ADCY1: variants seen among roughly 807,000 people sequenced by gnomAD.
The protein encoded by ADCY1 is adenylate cyclase 1.
Under a neutral mutation model 105.4 loss-of-function variants are expected in ADCY1, and 28 were observed. That is an observed-to-expected ratio of 0.27 (90% confidence interval 0.20 to 0.36). ADCY1 has a LOEUF of 0.36. ADCY1 is among the 10% of genes least tolerant of loss of function. The pLI, the probability that ADCY1 is intolerant of heterozygous loss-of-function variation, is 1.00. For missense variants in ADCY1, 977 were observed against 1,434.2 expected, an observed-to-expected ratio of 0.68 and a Z score of 5.15; for synonymous variants, 655 against 623.8, an observed-to-expected ratio of 1.05 and a Z score of -0.75.
intron 14 of ADCY1, among the ~76,000 whole-genome samples, chr7:45,694,296 A>G (rs1295484683): frequency 2.0e-5 from 3 of 152,164 alleles, no homozygotes; most frequent in Non-Finnish European, 2.9e-5. Flanking sequence ...CCTTAACTAC[A>G]ATATAATTAA....
At chr7:45,635,617 T>TG (rs1435828791) in intron 4 of ADCY1, among the ~76,000 whole-genome samples, 8 of 141,944 alleles carry the variant, frequency 5.6e-5, no homozygotes, top group Admixed American at 2.8e-4. Flanking sequence ...TTTTTTTTTT[T>TG]TTTTTTTTTT....
chr7:45,584,188 C>T (rs1321016813), intron 1 of ADCY1, among the ~76,000 whole-genome samples: 1 of 152,046 alleles, frequency 6.6e-6, no homozygotes, highest in Non-Finnish European at 1.5e-5. Flanking sequence ...TAGGTGATAC[C>T]TCACCTTGGC....
Position 45,686,311 on chromosome 7 carries a change from G to A in ADCY1, c.2327+96G>A, listed in dbSNP as rs141701587. 2 of 1,507,906 alleles carry A rather than the reference G, an allele frequency of 1.3e-6. No homozygotes were observed. The highest frequency in any genetic ancestry group is 1.4e-5 in the African/African-American group (1 of 71,898). 93.4% of individuals were successfully genotyped at this position (1,507,906 alleles called of 1,614,324 possible). A position where few individuals can be genotyped will look rare whatever the true frequency, so the allele number is the denominator to read the frequency against. ...CTACAGGCTTCTGAGTCCAGAACTA[G>A]TCAAGTTGAATTGTATACACAATTT... On this transcript the variant is annotated intron_variant, in intron 13 of 19. Coordinates refer to ENST00000297323, the MANE Select transcript of ADCY1 (RefSeq NM_021116.4). The surrounding 1 kb of genome is among the most constrained non-coding windows in gnomAD (Gnocchi z 4.3).
At chr7:45,593,134 T>G (rs570468586) in intron 2 of ADCY1, among the ~76,000 whole-genome samples, 1 of 152,322 alleles carries the variant, frequency 6.6e-6, no homozygotes, top group African/African-American at 2.4e-5. Flanking sequence ...GGGATGGGGC[T>G]GCTTTGGGGA....
chr7:45,618,750 T>C (rs1360410615), intron 3 of ADCY1, among the ~76,000 whole-genome samples: 1 of 152,166 alleles, frequency 6.6e-6, no homozygotes, highest in Non-Finnish European at 1.5e-5. Context: ...AGAGATCTCT[T>C]GTACCAGTTG....
intron 4 of ADCY1, among the ~76,000 whole-genome samples, chr7:45,624,381 A>T (rs1473664263): frequency 6.6e-6 from 1 of 152,012 alleles, no homozygotes; most frequent in African/African-American, 2.4e-5. Flanking sequence ...GGGATTTTGG[A>T]CGCTACTCCC....
intron 14 of ADCY1, among the ~76,000 whole-genome samples, chr7:45,688,261 A>T (rs1466682391): frequency 6.6e-6 from 1 of 152,214 alleles, no homozygotes; most frequent in East Asian, 1.9e-4. Flanking sequence ...ATGGGGTGAG[A>T]ACCCTAATCC....
rs557502990 is a variant in ADCY1 at position 45,722,682 on chromosome 7, G to A, written c.*8687G>A. ...CGAGAAAAGTTGTGTAAGCGCCTGC[G>A]TTCTTCTGGGTTTGGCTAGATAGGG... On this transcript the variant is annotated 3_prime_UTR_variant, in exon 20 of 20. Transcript: ENST00000297323. 3 of 152,540 alleles carry A rather than the reference G, an allele frequency of 2.0e-5. No individual in the cohort carries two copies. The highest frequency in any genetic ancestry group is 4.4e-5 in the Non-Finnish European group (3 of 68,032). 9.4% of individuals were successfully genotyped at this position (152,540 alleles called of 1,614,324 possible). A position where few individuals can be genotyped will look rare whatever the true frequency, so the allele number is the denominator to read the frequency against.
intron 1 of ADCY1, among the ~76,000 whole-genome samples, chr7:45,589,601 ACT>A (rs947766557): frequency 2.7e-5 from 4 of 150,722 alleles, no homozygotes; most frequent in Non-Finnish European, 5.9e-5. Flanking sequence ...CAGGTTTGGA[ACT>A]CTCAATTCCA....
At position 45,679,986 on chromosome 7, in the gene ADCY1, G is replaced by A. The variant is rs144036078; in HGVS notation, c.1983+193G>A. On this transcript the variant is annotated intron_variant, in intron 11 of 19. Coordinates refer to ENST00000297323, the MANE Select transcript of ADCY1 (RefSeq NM_021116.4). ...CATATCACCTGGTCCAGGTATGAGG[G>A]TGGCCTCTGCCTGCCCTCTGGGTGG... 2.1e-3 allele frequency among the ~76,000 whole-genome samples: 313 copies of A among 152,228 alleles called. 1 individual carries two copies. The highest frequency in any genetic ancestry group is 0.014 in the Middle Eastern group (4 of 294).
intron 8 of ADCY1, among the ~76,000 whole-genome samples, chr7:45,664,954 C>T (rs1381953706): frequency 6.6e-6 from 1 of 152,052 alleles, no homozygotes; most frequent in Non-Finnish European, 1.5e-5. Flanking sequence ...TGACAGGCCT[C>T]TGTGTGTGAT....
intron 1 of ADCY1, among the ~76,000 whole-genome samples, chr7:45,589,169 G>A (rs530169664): frequency 3.0e-4 from 45 of 152,246 alleles, no homozygotes; most frequent in South Asian, 1.9e-3. Context: ...GTCCTCGCTC[G>A]CAGCCCAGCA....
chr7:45,645,592 G>A (rs909395797), intron 4 of ADCY1, among the ~76,000 whole-genome samples: 1 of 152,106 alleles, frequency 6.6e-6, no homozygotes, highest in African/African-American at 2.4e-5. Context: ...TCCAGGGATA[G>A]GCTTGTTCTG....
At position 45,602,820 on chromosome 7, in the gene ADCY1, T is replaced by G. The variant is rs1229962861; in HGVS notation, c.790-7559T>G. ...TTAGAATTATGCAAGAATCTTAGTCTTATTACACATTAATCTTATTTAATA... is the reference window on the plus strand; with the variant it reads ...TTAGAATTATGCAAGAATCTTAGTCGTATTACACATTAATCTTATTTAATA... On this transcript the variant is annotated intron_variant, in intron 2 of 19. Coordinates refer to ENST00000297323, the MANE Select transcript of ADCY1 (RefSeq NM_021116.4). Among the ~76,000 whole-genome samples, 4 of 152,370 alleles carry G rather than the reference T, an allele frequency of 2.6e-5. No homozygotes were observed. The South Asian group carries it at 8.3e-4, about 32-fold the overall frequency.
intron 2 of ADCY1, among the ~76,000 whole-genome samples, chr7:45,605,379 A>G (rs1489363430): frequency 1.3e-5 from 2 of 152,180 alleles, no homozygotes; most frequent in African/African-American, 2.4e-5. Context: ...GAATATGAGT[A>G]ATGGGAGCCA....
intron 2 of ADCY1, among the ~76,000 whole-genome samples, chr7:45,596,254 A>G (rs1455974461): frequency 6.6e-6 from 1 of 152,204 alleles, no homozygotes; most frequent in Non-Finnish European, 1.5e-5. Flanking sequence ...ATTTCCATTC[A>G]GCACCTGTTC....
intron 4 of ADCY1, among the ~76,000 whole-genome samples, chr7:45,635,927 G>T (rs1344793777): frequency 6.6e-6 from 1 of 151,248 alleles, no homozygotes; most frequent in Non-Finnish European, 1.5e-5. Flanking sequence ...TTGAGAGAGG[G>T]GTATTAAAAT....
chr7:45,575,389 T>C lies in ADCY1; in HGVS notation c.639+207T>C, dbSNP rs1394074271. Among the ~76,000 whole-genome samples the C allele has an allele frequency of 6.6e-6, 1 of 152,160 alleles. No homozygotes were observed. The highest frequency in any genetic ancestry group is 1.5e-5 in the Non-Finnish European group (1 of 68,022). On this transcript the variant is annotated intron_variant, in intron 1 of 19. Coordinates refer to ENST00000297323, the MANE Select transcript of ADCY1 (RefSeq NM_021116.4). This position sits in a 1 kb window ranked among gnomAD's most constrained non-coding sequence, Gnocchi z 4.7. Reference sequence around the variant, plus strand: ...GCCAGGGCTCTCTTCAGAGTTACAATCCACGAAGCGCCCCTGGCGTGAAGT... The same window carrying C: ...GCCAGGGCTCTCTTCAGAGTTACAACCCACGAAGCGCCCCTGGCGTGAAGT...
At chr7:45,641,172 C>T (rs1171149498) in intron 4 of ADCY1, among the ~76,000 whole-genome samples, 2 of 152,216 alleles carry the variant, frequency 1.3e-5, no homozygotes, top group East Asian at 1.9e-4. Flanking sequence ...CAGCCCCTCC[C>T]AGCCTTTGCT....
Sources: allele counts gnomAD v4.1 joint callset (sites outside exome capture counted in the v4.1 genomes callset), GRCh38; gene constraint gnomAD v4.1.1; non-coding constraint Gnocchi (gnomAD v3.1); transcripts MANE v1.5; gene names NCBI Gene and HGNC (gene_info 2026-07-23, HGNC 2026-07-21).